BBOF1: variants seen among roughly 807,000 people sequenced by gnomAD.
BBOF1 encodes the protein basal body-orientation factor 1.
Under a neutral mutation model 68.0 loss-of-function variants are expected in BBOF1, and 62 were observed. The ratio of observed to expected loss-of-function variants is 0.91; its 90% CI spans 0.74 to 1.13. The LOEUF is 1.13. Among genes scored for constraint, BBOF1 ranks in the 50% most tolerant of loss-of-function variants. The probability of loss-of-function intolerance (pLI) is 0.00; values close to 1 mark genes in which losing one functional copy is unlikely to be tolerated. For missense variants in BBOF1, 534 were observed against 600.1 expected (o/e 0.89, Z 1.15); for synonymous variants, 208 against 198.8 (o/e 1.05, Z -0.39).
chr14:74,024,663 G>T (rs760972576), intron 2 of BBOF1, among the ~76,000 whole-genome samples: 5 of 151,902 alleles, frequency 3.3e-5, no homozygotes, highest in Non-Finnish European at 7.4e-5. Flanking sequence ...ACAGGGTTTC[G>T]CCATGTTGCC....
intron 11 of BBOF1, among the ~76,000 whole-genome samples, chr14:74,061,270 GC>G (rs1566824802): frequency 6.6e-6 from 1 of 151,148 alleles, no homozygotes; most frequent in Non-Finnish European, 1.5e-5. Flanking sequence ...GAGCCACCGT[GC>G]CCCCAGCTAT....
At chr14:74,059,109 G>T in intron 11 of BBOF1, 1 of 162,612 alleles carries the variant, frequency 6.1e-6, no homozygotes, top group Non-Finnish European at 1.3e-5. Context: ...AAAAAAAAGC[G>T]TAAAGGCAGT....
At chr14:74,029,990 A>G (rs1218476748) in intron 3 of BBOF1, among the ~76,000 whole-genome samples, 1 of 152,148 alleles carries the variant, frequency 6.6e-6, no homozygotes, top group Non-Finnish European at 1.5e-5. Context: ...ACCCCAATAT[A>G]TCAATCTCAG....
At chr14:74,024,657 G>A (rs991833745) in intron 2 of BBOF1, among the ~76,000 whole-genome samples, 1 of 152,034 alleles carries the variant, frequency 6.6e-6, no homozygotes, top group African/African-American at 2.4e-5. Context: ...GTAGAGACAG[G>A]GTTTCGCCAT....
chr14:74,068,767 G>T, downstream of BBOF1: 1 of 1,407,028 alleles, frequency 7.1e-7, no homozygotes, highest in Middle Eastern at 1.8e-4. Flanking sequence ...ACTGACATTG[G>T]AGTGGGATGA....
In BBOF1 at chr14:74,052,090, G is replaced by A. The variant is rs941553854; in HGVS notation, c.1286+1895G>A. ...TACTACTGTTACCAAGAGATTTGCT[G>A]TAATTTCTCTTTTTTATTTAATACA... On this transcript the variant is annotated intron_variant, in intron 8 of 11. Coordinates refer to ENST00000394009, the MANE Select transcript of BBOF1 (RefSeq NM_025057.3). Among the ~76,000 whole-genome samples the A allele has an allele frequency of 3.6e-4, 54 of 151,734 alleles. 3 individuals carry two copies. Among genetic ancestry groups the A allele is most frequent in the African/African-American group, 1.3e-3 (53 of 41,056 alleles).
At chr14:74,026,850 A>T (rs1307522351) in intron 2 of BBOF1, among the ~76,000 whole-genome samples, 5 of 151,660 alleles carry the variant, frequency 3.3e-5, no homozygotes, top group Non-Finnish European at 4.4e-5. Context: ...GCTTGAACCC[A>T]GGAGGTGGAG....
chr14:74,078,325 G>A (rs1453558178), exon 10 of BBOF1: 3 of 450,588 alleles, frequency 6.7e-6, no homozygotes, highest in African/African-American at 2.0e-5. Context: ...AGTGGTGCAC[G>A]ATCAATATAT....
chr14:74,071,967 A>G, intron 9 of BBOF1: 1 of 1,613,926 alleles, frequency 6.2e-7, no homozygotes, highest in Non-Finnish European at 8.5e-7. Flanking sequence ...TAACTTGGCA[A>G]TTTCTTTCTA....
At chr14:74,035,584 ATTTTTTT>A (rs71460945) in intron 4 of BBOF1, among the ~76,000 whole-genome samples, 27 of 81,392 alleles carry the variant, frequency 3.3e-4, no homozygotes, top group African/African-American at 9.6e-4. Context: ...CCCCCAGCTA[ATTTTTTT>A]TTTTTTTTTT....
chr14:74,040,624 A>C lies in BBOF1; in HGVS notation c.555A>C (p.Glu185Asp). ...RIHQETLRRLESRFFEEKHRL... is the reference protein window; with the variant it reads ...RIHQETLRRLDSRFFEEKHRL... ...ATCAGGAGACTCTTAGAAGACTGGA[A>C]AGCAGATTTTTTGAAGAAAAGGTAC... Residue 185 changes from glutamate (E) to aspartate (D), a missense_variant, in exon 5 of 12, where the codon GAA (glutamate) becomes GAC (aspartate). Transcript: ENST00000394009. 6.3e-7 allele frequency: 1 copy of C among 1,590,862 alleles called. No homozygotes were observed. The highest frequency in any genetic ancestry group is 1.2e-5 in the South Asian group (1 of 85,818).
chr14:74,044,323 A>G (rs1227808923), intron 5 of BBOF1, among the ~76,000 whole-genome samples: 1 of 151,936 alleles, frequency 6.6e-6, no homozygotes, highest in South Asian at 2.1e-4. Context: ...TTATTACCCC[A>G]TTTATTTCAC....
chr14:74,082,175 A>G (rs1454803529), intron 12 of BBOF1, among the ~76,000 whole-genome samples: 2 of 152,198 alleles, frequency 1.3e-5, no homozygotes, highest in Non-Finnish European at 2.9e-5. Flanking sequence ...ACTGCACTCC[A>G]GCCTGGGTGA....
intron 3 of BBOF1, among the ~76,000 whole-genome samples, chr14:74,032,595 T>C (rs1371822727): frequency 6.7e-6 from 1 of 149,906 alleles, no homozygotes; most frequent in African/African-American, 2.5e-5. Flanking sequence ...CCAGGTTCAA[T>C]TGATTCTCCT....
intron 12 of BBOF1, among the ~76,000 whole-genome samples, chr14:74,082,229 G>T (rs911208509): frequency 6.6e-6 from 1 of 152,144 alleles, no homozygotes; most frequent in Non-Finnish European, 1.5e-5. Flanking sequence ...CTCTGCATGG[G>T]AGTGATAATA....
chr14:74,028,340 G>C (rs536755395), intron 2 of BBOF1, among the ~76,000 whole-genome samples: 46 of 152,166 alleles, frequency 3.0e-4, no homozygotes, highest in Admixed American at 7.9e-4. Context: ...CTGCAGTCCA[G>C]CCTGGGCGAC....
chr14:74,063,238 G>A (rs1396341899), intron 11 of BBOF1, among the ~76,000 whole-genome samples: 1 of 151,092 alleles, frequency 6.6e-6, no homozygotes, highest in African/African-American at 2.4e-5. Context: ...CCAGGCTGGA[G>A]TCCAGTGGTG....
intron 1 of BBOF1, among the ~76,000 whole-genome samples, chr14:74,020,277 G>A (rs557387525): frequency 2.0e-5 from 3 of 151,648 alleles, no homozygotes; most frequent in African/African-American, 7.3e-5. Flanking sequence ...TGCACAGTTA[G>A]TCTAGCCCTT....
At chr14:74,022,557 A>G (rs2059327310) in intron 1 of BBOF1, among the ~76,000 whole-genome samples, 1 of 152,182 alleles carries the variant, frequency 6.6e-6, no homozygotes, top group Non-Finnish European at 1.5e-5. Flanking sequence ...AAAAAGAAAA[A>G]AAAAAGATAT....
Sources: gnomAD v4.1 joint callset for allele counts (sites outside exome capture counted in the v4.1 genomes callset) on GRCh38, gnomAD v4.1.1 for gene constraint, MANE v1.5 for transcripts, NCBI Gene and HGNC (gene_info 2026-07-23, HGNC 2026-07-21) for gene names.